SASH1: variants seen among roughly 807,000 people sequenced by gnomAD.
SASH1 encodes the protein SAM and SH3 domain containing 1.
In SASH1, 44 loss-of-function variants were observed where a neutral mutation model predicts 125.2. The observed-to-expected ratio is 0.35, with a 90% CI of 0.28 to 0.45. The LOEUF (loss-of-function observed/expected upper bound fraction) is 0.45. Among genes scored for constraint, SASH1 ranks in the 20% least tolerant of loss-of-function variants. The probability of loss-of-function intolerance (pLI) is 1.00; values close to 1 mark genes in which losing one functional copy is unlikely to be tolerated. For synonymous variants in SASH1, 639 were observed against 649.1 expected, an observed-to-expected ratio of 0.98 and a Z score of 0.24; for missense variants, 1,426 against 1,614.5, an observed-to-expected ratio of 0.88 and a Z score of 2.00.
chr6:148,382,397 C>T (rs913808855), intron 1 of SASH1, among the ~76,000 whole-genome samples: 4 of 152,174 alleles, frequency 2.6e-5, no homozygotes, highest in African/African-American at 9.6e-5. Context: ...TCAAGTGATT[C>T]TCCAGCCTCA....
the SASH1 span, among the ~76,000 whole-genome samples, chr6:148,259,936 A>C: frequency 1.3e-5 from 2 of 152,092 alleles, no homozygotes; most frequent in Non-Finnish European, 2.9e-5. Flanking sequence ...CTCAGGCTAG[A>C]GTGCAGTGGT....
chr6:148,531,655 T>G lies in SASH1; in HGVS notation c.1558T>G (p.Ser520Ala), dbSNP rs754549585. The G allele has an allele frequency of 1.3e-6, 2 of 1,531,472 alleles. No individual in the cohort carries two copies. Among genetic ancestry groups the G allele is most frequent in the African/African-American group, 2.8e-5 (2 of 70,912 alleles). The allele number at this position is 1,531,472 out of a possible 1,614,324, so 94.9% of individuals were successfully genotyped here. ...TCGCAGTTCTCTCAGTGGGCAGAGC[T>G]CCATGAGTAAGTCGAGTTTGTCATT... ...SLRSSLSGQS[S>A]MSGQTVSTTD... Residue 520 changes from serine to alanine, a missense_variant, in exon 13 of 20, where the codon TCC becomes GCC. By Grantham distance (99) the Ser-to-Ala change is moderately conservative. This residue lies in a region of SASH1 where 225 missense variants were observed against 344.5 expected (regional missense o/e 0.65). Transcript: ENST00000367467.
chr6:148,405,668 C>T (rs1583099697), intron 2 of SASH1, among the ~76,000 whole-genome samples: 1 of 152,220 alleles, frequency 6.6e-6, no homozygotes, highest in Middle Eastern at 3.4e-3. Context: ...CCTCTACCGC[C>T]CAGATGAAAA....
chr6:148,369,438 G>A (rs1234158534), intron 1 of SASH1, among the ~76,000 whole-genome samples: 1 of 152,174 alleles, frequency 6.6e-6, no homozygotes, highest in Admixed American at 6.5e-5. Context: ...ATAAGCAACA[G>A]TGGCCATTGT....
At chr6:148,470,798 C>T (rs1778068783) in intron 5 of SASH1, among the ~76,000 whole-genome samples, 1 of 152,020 alleles carries the variant, frequency 6.6e-6, no homozygotes, top group Non-Finnish European at 1.5e-5. Context: ...CACCAGGTAG[C>T]CTGAATGCCA....
chr6:148,362,136 C>A (rs1187867159), intron 1 of SASH1, among the ~76,000 whole-genome samples: 176 of 151,604 alleles, frequency 1.2e-3, no homozygotes, highest in East Asian at 7.8e-3. Flanking sequence ...TCCGTGTTAG[C>A]CAGGATGGTC....
chr6:148,381,742 C>T (rs897002394), intron 1 of SASH1, among the ~76,000 whole-genome samples: 1 of 146,886 alleles, frequency 6.8e-6, no homozygotes, highest in Non-Finnish European at 1.5e-5. Flanking sequence ...GATTCTCTCG[C>T]CTCAGCTTCC....
At chr6:148,272,362 G>C (rs750566414) in exon 1 of SASH1, 11 of 470,712 alleles carry the variant, frequency 2.3e-5, no homozygotes, top group African/African-American at 2.2e-4. Flanking sequence ...ACTTCATGGA[G>C]GAACAAGATT....
At chr6:148,542,108 T>C (rs879674517) in intron 17 of SASH1, among the ~76,000 whole-genome samples, 5 of 152,196 alleles carry the variant, frequency 3.3e-5, no homozygotes, top group African/African-American at 7.2e-5. Context: ...TGGCAGAATT[T>C]TTCATGCCCA....
chr6:148,224,128 T>A, the SASH1 span, among the ~76,000 whole-genome samples: 5 of 152,160 alleles, frequency 3.3e-5, no homozygotes, highest in African/African-American at 7.2e-5. Context: ...AGCTTGTCTC[T>A]ACCAAAAATT....
Position 148,500,512 on chromosome 6 carries a change from C to T in SASH1, c.729+12797C>T, listed in dbSNP as rs767796421. Among the ~76,000 whole-genome samples the T allele has an allele frequency of 1.5e-4, 23 of 152,270 alleles. 1 individual carries two copies. In the Middle Eastern group the frequency reaches 0.024, roughly 158 times the overall value. The stretch of plus-strand genomic sequence containing the variant: ...AGAACAACCTCACTTGACTTTCCAT[C>T]GTTTCACTCATTGCTCTTCTGTAGC... On this transcript the variant is annotated intron_variant, in intron 8 of 19. Transcript: ENST00000367467.
chr6:148,546,477 T>TG (rs1237004035), intron 19 of SASH1, among the ~76,000 whole-genome samples: 1 of 152,202 alleles, frequency 6.6e-6, no homozygotes, highest in Non-Finnish European at 1.5e-5. Flanking sequence ...GATGCCGGCC[T>TG]GGGCAACATA....
chr6:148,289,841 A>C (rs949228921), intron 1 of SASH1, among the ~76,000 whole-genome samples: 5 of 151,504 alleles, frequency 3.3e-5, no homozygotes, highest in Non-Finnish European at 7.4e-5. Context: ...TCTGTGAGGA[A>C]AATGGTTTTT....
At chr6:148,382,932 A>G (rs1386068923) in intron 1 of SASH1, among the ~76,000 whole-genome samples, 1 of 152,232 alleles carries the variant, frequency 6.6e-6, no homozygotes, top group South Asian at 2.1e-4. Context: ...TCCCTCTGGC[A>G]TATGTCGTTA....
At chr6:148,475,751 G>A (rs1190920960) in intron 7 of SASH1, among the ~76,000 whole-genome samples, 1 of 152,172 alleles carries the variant, frequency 6.6e-6, no homozygotes, top group Non-Finnish European at 1.5e-5. Context: ...TTACATGCAA[G>A]GGATATGTTC....
intron 1 of SASH1, among the ~76,000 whole-genome samples, chr6:148,283,580 T>G (rs1186483060): frequency 6.6e-6 from 1 of 152,154 alleles, no homozygotes; most frequent in African/African-American, 2.4e-5. Context: ...GAGACCATCC[T>G]GGCTAACAAG....
At chr6:148,257,609 T>G in the SASH1 span, among the ~76,000 whole-genome samples, 1 of 151,906 alleles carries the variant, frequency 6.6e-6, no homozygotes, top group African/African-American at 2.4e-5. Flanking sequence ...ACACATGCTA[T>G]ATTGTCATTG....
intron 1 of SASH1, among the ~76,000 whole-genome samples, chr6:148,386,954 G>T (rs561116437): frequency 2.6e-5 from 4 of 152,184 alleles, no homozygotes; most frequent in South Asian, 4.2e-4. Context: ...GAATCAAGGA[G>T]GATGCCCTGG....
chr6:148,370,804 CTGAG>C (rs1290965628), intron 1 of SASH1, among the ~76,000 whole-genome samples: 1 of 152,086 alleles, frequency 6.6e-6, no homozygotes, highest in African/African-American at 2.4e-5. Flanking sequence ...GCCTGGGCAA[CTGAG>C]TGAGACTCTG....
Sources: allele counts gnomAD v4.1 joint callset (sites outside exome capture counted in the v4.1 genomes callset), GRCh38; gene constraint gnomAD v4.1.1; regional missense constraint gnomAD v4.1.1; transcripts MANE v1.5; gene names NCBI Gene and HGNC (gene_info 2026-07-23, HGNC 2026-07-21).